The following FRY variants were observed in gnomAD, a reference collection of about 807,000 sequenced individuals.
The protein encoded by FRY is FRY microtubule binding protein.
FRY carries 128 observed loss-of-function variants against 348.4 expected under a neutral mutation model. The observed-to-expected ratio is 0.37, with a 90% confidence interval of 0.32 to 0.43. FRY has a LOEUF of 0.43. FRY is among the 20% of genes least tolerant of loss of function. The pLI is 1.00. For synonymous variants in FRY, 1,370 were observed against 1,374.7 expected (o/e 1.00, Z 0.08); for missense variants, 2,736 against 3,695.2 (o/e 0.74, Z 6.73).
intron 20 of FRY, among the ~76,000 whole-genome samples, chr13:32,175,844 G>A (rs1034060524): frequency 6.6e-6 from 1 of 152,116 alleles, no homozygotes; most frequent in Non-Finnish European, 1.5e-5. Context: ...TAGGAATATA[G>A]ATAATATTTT....
intron 55 of FRY, 48 bp downstream of exon 55, chr13:32,267,407 C>G (rs1420908440): frequency 2.6e-6 from 4 of 1,519,572 alleles, no homozygotes; most frequent in African/African-American, 1.4e-5. Flanking sequence ...CTAAGGGGAG[C>G]CGGGTAACTT....
chr13:32,201,893 C>G, intron 29 of FRY, 48 bp from the exon 30 acceptor site: 1 of 1,027,230 alleles, frequency 9.7e-7, no homozygotes, highest in Admixed American at 1.7e-5. Context: ...TCTAGCCACT[C>G]TGTCTTATAA....
intron 4 of FRY, among the ~76,000 whole-genome samples, chr13:32,123,384 C>T (rs799053): frequency 0.011 from 1,712 of 152,300 alleles, 11 homozygotes; most frequent in Non-Finnish European, 0.02. Flanking sequence ...CTTCCTTCTG[C>T]CTTTTACTCT....
intron 46 of FRY, among the ~76,000 whole-genome samples, chr13:32,243,314 G>A (rs368883048): frequency 7.2e-5 from 11 of 152,198 alleles, no homozygotes; most frequent in South Asian, 6.2e-4. Flanking sequence ...TTTCCCTAGC[G>A]TTCAATACTT....
At chr13:32,244,847 A>C (rs17068199) in intron 47 of FRY, among the ~76,000 whole-genome samples, 16,320 of 152,208 alleles carry the variant, frequency 0.11, 1,157 homozygotes, top group East Asian at 0.24. Flanking sequence ...CCAAGATTTC[A>C]GTTAGTAAAG....
At chr13:32,264,007 GA>G (rs887802102) in intron 53 of FRY, among the ~76,000 whole-genome samples, 134 of 147,998 alleles carry the variant, frequency 9.1e-4, no homozygotes, top group African/African-American at 1.8e-3. Context: ...ACTCCATCTC[GA>G]AAAAAAAAAG....
At chr13:32,170,906 C>A in intron 17 of FRY, 106 bp from the exon 18 acceptor site, 1 of 874,528 alleles carries the variant, frequency 1.1e-6, no homozygotes, top group Non-Finnish European at 1.9e-6. Flanking sequence ...GACCCATTTT[C>A]AGACTCAAGT....
At chr13:32,128,597 A>G (rs1171628119) in intron 7 of FRY, among the ~76,000 whole-genome samples, 6 of 152,224 alleles carry the variant, frequency 3.9e-5, no homozygotes. Context: ...CCTGGAATTT[A>G]TATCAGAAGC....
intron 58 of FRY, among the ~76,000 whole-genome samples, chr13:32,281,256 A>G (rs1463237884): frequency 6.6e-6 from 1 of 152,220 alleles, no homozygotes; most frequent in Non-Finnish European, 1.5e-5. Context: ...GATCCTTTAC[A>G]ACAGTCCTTT....
intron 7 of FRY, 44 bp downstream of exon 7, chr13:32,124,919 T>G: frequency 7.4e-7 from 1 of 1,349,192 alleles, no homozygotes; most frequent in Non-Finnish European, 1.1e-6. Flanking sequence ...CGTGCGTGCT[T>G]TCACTGTCCT....
chr13:32,080,006 A>G (rs1462579151), intron 2 of FRY, among the ~76,000 whole-genome samples: 2 of 152,238 alleles, frequency 1.3e-5, no homozygotes, highest in Non-Finnish European at 2.9e-5. Flanking sequence ...TCATCAGTTA[A>G]AAATGACCCT....
At chr13:32,290,987 T>C (rs553220689) in intron 59 of FRY, among the ~76,000 whole-genome samples, 1 of 152,272 alleles carries the variant, frequency 6.6e-6, no homozygotes, top group East Asian at 1.9e-4. Context: ...AATGGCTGCA[T>C]ACTGGACCAA....
intron 28 of FRY, 29 bp from the exon 29 acceptor site, chr13:32,194,114 A>C: frequency 1.3e-6 from 2 of 1,597,124 alleles, no homozygotes; most frequent in Non-Finnish European, 1.7e-6. Flanking sequence ...ATCAAATGGG[A>C]ATAATATTGA....
In FRY at chr13:32,242,334, T is replaced by TC. The variant is rs561754390; in HGVS notation, c.6688-1702dup. Reference sequence around the variant, plus strand: ...TTCGAGAAGTTGGTCTTCATAAAGATCCCCCCATTTGTAATACTATAAACA... The same window carrying TC: ...TTCGAGAAGTTGGTCTTCATAAAGATCCCCCCCATTTGTAATACTATAAACA... On this transcript the variant is annotated intron_variant, in intron 46 of 60. Transcript: ENST00000542859. Among the ~76,000 whole-genome samples the TC allele has an allele frequency of 1.4e-4, 21 of 152,276 alleles. No individual in the cohort carries two copies. The East Asian group carries it at 4.0e-3, about 29-fold the overall frequency.
rs1346174130 is a variant in FRY, at chr13:32,298,170, T to G, written c.*2710T>G. On this transcript the variant is annotated 3_prime_UTR_variant, in exon 61 of 61. Transcript: ENST00000542859. ...CACACACATGCGTGAACATCCAGAG[T>G]TAGGTCTCAAGGCTCTTCTGGTTCT... 6.6e-6 allele frequency: 1 copy of G among 152,044 alleles called. No homozygotes were observed. Among genetic ancestry groups the G allele is most frequent in the Non-Finnish European group, 1.5e-5 (1 of 68,004 alleles). The allele number at this position is 152,044 out of a possible 1,614,324, so 9.4% of individuals were successfully genotyped here.
Position 32,178,919 on chromosome 13 carries a change from A to G in FRY, c.2757A>G (p.Leu919=). 1 of 1,613,378 alleles carries G rather than the reference A, an allele frequency of 6.2e-7. No individual in the cohort carries two copies. Residue 919 remains leucine (L), a synonymous_variant, in exon 22 of 61, where the codon CTA becomes CTG. Transcript: ENST00000542859. ...DNYVTLWRNY[L]ILCFGVAKPS... is the part of the protein sequence containing the mutation. ...ATGTTACTTTGTGGAGAAATTACCT[A>G]ATTCTTTGTTTTGGAGTTGCAAAAC...
At chr13:32,206,814 A>C (rs554032252) in intron 31 of FRY, among the ~76,000 whole-genome samples, 16 of 152,366 alleles carry the variant, frequency 1.1e-4, no homozygotes, top group African/African-American at 3.8e-4. Context: ...ACTTGTTTTT[A>C]ATATAAACCC....
intron 36 of FRY, among the ~76,000 whole-genome samples, chr13:32,220,223 G>C (rs1885244006): frequency 6.6e-6 from 1 of 152,210 alleles, no homozygotes; most frequent in Non-Finnish European, 1.5e-5. Flanking sequence ...AATGTGCAAT[G>C]TCAGGTAAGA....
In FRY at chr13:32,244,232, G is replaced by C. The variant is rs770924859; in HGVS notation, c.6828+50G>C. 101 of 1,558,506 alleles carry C rather than the reference G, an allele frequency of 6.5e-5. No individual in the cohort carries two copies. In the South Asian group the frequency reaches 1.0e-3, roughly 16 times the overall value. Reference sequence around the variant, plus strand: ...AGCAACCAGTCGTTCTAAAAAGATGGAGGCTTTTCCTGTAGCTTGGCTACA... The same window carrying C: ...AGCAACCAGTCGTTCTAAAAAGATGCAGGCTTTTCCTGTAGCTTGGCTACA... On this transcript the variant is annotated intron_variant, in intron 47 of 60. Coordinates refer to ENST00000542859, the MANE Select transcript of FRY (RefSeq NM_023037.3).
Sources: gnomAD v4.1 joint callset for allele counts (sites outside exome capture counted in the v4.1 genomes callset) on GRCh38, gnomAD v4.1.1 for gene constraint, MANE v1.5 for transcripts, NCBI Gene and HGNC (gene_info 2026-07-23, HGNC 2026-07-21) for gene names.